DROSHA: variants seen among roughly 807,000 people sequenced by gnomAD.
The protein encoded by DROSHA is ribonuclease 3.
A neutral mutation model predicts 181.9 loss-of-function variants in DROSHA; 56 were observed. The observed-to-expected ratio is 0.31, with a 90% CI of 0.25 to 0.38. The LOEUF is 0.38. Ranked by LOEUF, DROSHA falls within the 10% of genes least tolerant of loss-of-function variation. The pLI is 1.00. For synonymous variants in DROSHA, 524 were observed against 591.2 expected (o/e 0.89, Z 1.65); for missense variants, 1,218 against 1,743.5 (o/e 0.70, Z 5.37).
At chr5:31,439,724 G>T (rs1283363337) in intron 23 of DROSHA, among the ~76,000 whole-genome samples, 5 of 152,146 alleles carry the variant, frequency 3.3e-5, no homozygotes, top group Admixed American at 2.6e-4. Context: ...GTGTTGGAAG[G>T]ATGGGGAGGG....
rs1740175546 is a variant in DROSHA at position 31,402,786 on chromosome 5, T to C, written c.3995-1224A>G. 2.0e-5 allele frequency among the ~76,000 whole-genome samples: 3 copies of C among 152,184 alleles called. No homozygotes were observed. The East Asian group carries it at 5.8e-4, about 29-fold the overall frequency. ...ACCTGGTATGTCTGGGGGTCAGAGA[T>C]TGATTTTATTTATTTATTATTTATT... On this transcript the variant is annotated intron_variant, in intron 35 of 35. Transcript: ENST00000344624.
chr5:31,448,556 G>A lies in DROSHA; in HGVS notation c.2873C>T (p.Thr958Ile). Residue 958 changes from threonine to isoleucine, a missense_variant, in exon 23 of 36, where the codon ACT (threonine) becomes ATT (isoleucine). This residue lies in a region of DROSHA where 460 missense variants were observed against 774.2 expected (regional missense o/e 0.59). Coordinates refer to ENST00000344624, the MANE Select transcript of DROSHA (RefSeq NM_001382508.1). ...TAAAAATCAACTTTACCTCGAGGGA[G>A]TTGGGTCATCTTGGCCAAGGCGTGA... ...IMSRLGQDDP[T>I]PSRINHNERL... 1 of 1,613,506 alleles carries A rather than the reference G, an allele frequency of 6.2e-7. No individual in the cohort carries two copies. The highest frequency in any genetic ancestry group is 1.7e-5 in the Admixed American group (1 of 60,030).
At chr5:31,480,288 T>G (rs1750895020) in intron 16 of DROSHA, among the ~76,000 whole-genome samples, 1 of 150,352 alleles carries the variant, frequency 6.7e-6, no homozygotes, top group South Asian at 2.1e-4. Context: ...GTAGTGAGAA[T>G]GAGCCAACTA....
rs1193615533 is a variant in DROSHA, at chr5:31,472,197, G to A, written c.2107C>T (p.Leu703Phe). 21 of 1,613,200 alleles carry A rather than the reference G, an allele frequency of 1.3e-5. No individual in the cohort carries two copies. Among genetic ancestry groups the A allele is most frequent in the Non-Finnish European group, 1.7e-5 (20 of 1,179,562 alleles). Reference sequence around the variant, plus strand: ...TTGCTGCACCTTAACAAGTACAGGAGAATCTGGTGCATGGACAGCACTTCC... The same window carrying A: ...TTGCTGCACCTTAACAAGTACAGGAAAATCTGGTGCATGGACAGCACTTCC... ...GKEVLSMHQI[L>F]LYLLRCSKAL... The change falls in exon 17 of 36, where the codon CTC becomes TTC. Residue 703 changes from leucine to phenylalanine, a missense_variant. Physicochemically the swap from Leu to Phe is conservative, Grantham distance 22. This residue lies in a region of DROSHA where 460 missense variants were observed against 774.2 expected (regional missense o/e 0.59). Transcript: ENST00000344624.
At position 31,452,434 on chromosome 5, in the gene DROSHA, T is replaced by A. The variant is rs184182769; in HGVS notation, c.2575-794A>T. ...AATTTAAATTTTTCCTTCAATCCCT[T>A]TTCATTTGGCTATAAATTCCTTATT... is the stretch of plus-strand genomic sequence containing the variant. On this transcript the variant is annotated intron_variant, in intron 20 of 35. Coordinates refer to ENST00000344624, the MANE Select transcript of DROSHA (RefSeq NM_001382508.1). Among the ~76,000 whole-genome samples the A allele has an allele frequency of 2.9e-3, 439 of 152,284 alleles. 3 individuals carry two copies. Among genetic ancestry groups the A allele is most frequent in the Non-Finnish European group, 2.7e-3 (182 of 68,006 alleles).
intron 14 of DROSHA, among the ~76,000 whole-genome samples, chr5:31,485,952 A>G (rs1201595204): frequency 6.6e-6 from 1 of 152,236 alleles, no homozygotes; most frequent in African/African-American, 2.4e-5. Context: ...ACTAAATTCA[A>G]GATCAGACTA....
In DROSHA at chr5:31,483,633, A is replaced by G. The variant is rs766295496; in HGVS notation, c.1997-5T>C. The G allele has an allele frequency of 6.4e-7, 1 of 1,568,244 alleles. No individual in the cohort carries two copies. The highest frequency in any genetic ancestry group is 8.6e-7 in the Non-Finnish European group (1 of 1,167,344). On this transcript the variant is annotated splice_polypyrimidine_tract_variant and splice_region_variant and intron_variant, in intron 15 of 35. Transcript: ENST00000344624. ...GGCTGTCTTCAAACAAAGGACCTGA[A>G]GCAAACAAATGAGAAAAAAAAAAAA...
intron 30 of DROSHA, among the ~76,000 whole-genome samples, chr5:31,413,658 A>G (rs634394): frequency 0.51 from 77,752 of 152,072 alleles, 21,085 homozygotes; most frequent in African/African-American, 0.69. Context: ...CACCCTCCTC[A>G]GAAGCCACGT....
chr5:31,450,037 T>C (rs1031842118), intron 21 of DROSHA, among the ~76,000 whole-genome samples: 2 of 152,050 alleles, frequency 1.3e-5, no homozygotes, highest in African/African-American at 4.8e-5. Flanking sequence ...AAAGAAGATA[T>C]ACAAATGGCC....
chr5:31,479,408 G>A (rs1028839070), intron 16 of DROSHA, among the ~76,000 whole-genome samples: 1 of 151,954 alleles, frequency 6.6e-6, no homozygotes, highest in African/African-American at 2.4e-5. Context: ...AATGGTGCTG[G>A]GTCAATTGGA....
At chr5:31,414,212 T>G (rs1318753475) in intron 30 of DROSHA, among the ~76,000 whole-genome samples, 1 of 151,380 alleles carries the variant, frequency 6.6e-6, no homozygotes, top group Non-Finnish European at 1.5e-5. Flanking sequence ...GTGAGGTAAT[T>G]TTTTTTTTAT....
intron 11 of DROSHA, among the ~76,000 whole-genome samples, chr5:31,500,005 G>A (rs1014526303): frequency 8.5e-5 from 13 of 152,206 alleles, no homozygotes; most frequent in African/African-American, 3.1e-4. Flanking sequence ...TCAGGGCCCA[G>A]GAAACCTGAA....
Position 31,423,924 on chromosome 5 carries a change from C to T in DROSHA, c.3261+503G>A, listed in dbSNP as rs115273513. Among the ~76,000 whole-genome samples, 848 of 152,282 alleles carry T rather than the reference C, an allele frequency of 5.6e-3. 8 individuals are homozygous for T. Among genetic ancestry groups the T allele is most frequent in the African/African-American group, 0.02 (814 of 41,560 alleles). ...CAAAATCTTGAGTGAAAAGCTATCACACTATACTAATTTTTTAATTTACAG... is the reference window on the plus strand; with the variant it reads ...CAAAATCTTGAGTGAAAAGCTATCATACTATACTAATTTTTTAATTTACAG... On this transcript the variant is annotated intron_variant, in intron 28 of 35. Coordinates refer to ENST00000344624, the MANE Select transcript of DROSHA (RefSeq NM_001382508.1).
chr5:31,477,479 T>A lies in DROSHA; in HGVS notation c.2072-5247A>T, dbSNP rs1750525390. Among the ~76,000 whole-genome samples the A allele has an allele frequency of 5.3e-5, 8 of 152,358 alleles. No homozygotes were observed. In the South Asian group the frequency reaches 1.2e-3, roughly 24 times the overall value. ...GTCTTTTCTAAATTTTCCAAATGTA[T>A]ATTAAGTTGTGGTACTAATAGATGG... On this transcript the variant is annotated intron_variant, in intron 16 of 35. Transcript: ENST00000344624.
intron 16 of DROSHA, among the ~76,000 whole-genome samples, chr5:31,472,454 C>G (rs552831957): frequency 1.3e-5 from 2 of 151,998 alleles, no homozygotes; most frequent in African/African-American, 2.4e-5. Flanking sequence ...ACTAAATTGG[C>G]AACAACAACA....
In DROSHA at chr5:31,409,831, C is replaced by G. The variant is rs903137606; in HGVS notation, c.3668-499G>C. 6.6e-6 allele frequency among the ~76,000 whole-genome samples: 1 copy of G among 152,002 alleles called. No individual in the cohort carries two copies. The highest frequency in any genetic ancestry group is 1.5e-5 in the Non-Finnish European group (1 of 67,990). On this transcript the variant is annotated intron_variant, in intron 31 of 35. Transcript: ENST00000344624. This position sits in a 1 kb window ranked among gnomAD's most constrained non-coding sequence, Gnocchi z 4.0. ...TGCCCAAAAAGAGAAAAACTTAATA[C>G]TGATCTTAATGACAACAATATGTCA...
chr5:31,528,725 G>C (rs1453979218), intron 4 of DROSHA, among the ~76,000 whole-genome samples: 1 of 152,134 alleles, frequency 6.6e-6, no homozygotes, highest in Non-Finnish European at 1.5e-5. Flanking sequence ...ACAACACTCT[G>C]TGCTGCTTCT....
At chr5:31,508,881 T>A (rs867263077) in intron 9 of DROSHA, 106 bp from the exon 10 acceptor site, 3 of 1,300,680 alleles carry the variant, frequency 2.3e-6, no homozygotes, top group Non-Finnish European at 3.1e-6. Flanking sequence ...TGGAGTGCAG[T>A]GCGCGATCTC....
chr5:31,468,093 C>A, intron 17 of DROSHA, 30 bp from the exon 18 acceptor site: 1 of 1,596,184 alleles, frequency 6.3e-7, no homozygotes, highest in East Asian at 2.3e-5. Context: ...CCATTTATTC[C>A]CATAAGAAGT....
Sources: allele counts gnomAD v4.1 joint callset (sites outside exome capture counted in the v4.1 genomes callset), GRCh38; gene constraint gnomAD v4.1.1; regional missense constraint gnomAD v4.1.1; non-coding constraint Gnocchi (gnomAD v3.1); transcripts MANE v1.5; gene names NCBI Gene and HGNC (gene_info 2026-07-23, HGNC 2026-07-21).